The following NDEL1 variants were observed in gnomAD, a reference collection of about 807,000 sequenced individuals.
NDEL1 encodes the protein nuclear distribution protein nudE-like 1.
Under a neutral mutation model 45.7 loss-of-function variants are expected in NDEL1, and 9 were observed. The observed-to-expected ratio is 0.20, with a 90% CI of 0.12 to 0.34. The LOEUF (loss-of-function observed/expected upper bound fraction) is 0.34, where lower values mean the gene tolerates loss of function less well. NDEL1 is among the 10% of genes least tolerant of loss of function. The pLI is 1.00. For missense variants in NDEL1, 306 were observed against 406.2 expected (o/e 0.75, Z 2.12); for synonymous variants, 133 against 158.6 (o/e 0.84, Z 1.21).
chr17:8,432,636 G>A (rs1010033548), upstream of NDEL1, among the ~76,000 whole-genome samples: 3 of 151,768 alleles, frequency 2.0e-5, no homozygotes, highest in South Asian at 4.2e-4. Context: ...CGCCTGCCTC[G>A]GCTTCCCAAA....
chr17:8,428,314 AGTGTGTGTGGTGTGTGTGTGT>A (rs1908890029), intron 1 of NDEL1, among the ~76,000 whole-genome samples: 1 of 139,768 alleles, frequency 7.2e-6, no homozygotes, highest in African/African-American at 2.6e-5. Context: ...TCAAGGCTCA[AGTGTGTGTGGTGTGTGTGTGT>A]GTGTGTGTGT....
At chr17:8,468,995 CTCTG>C (rs534880748), downstream of NDEL1, among the ~76,000 whole-genome samples, 942 of 152,260 alleles carry the variant, frequency 6.2e-3, 11 homozygotes, top group African/African-American at 0.022. Context: ...CAGAGCTAGA[CTCTG>C]TCTCAAGAAA....
At chr17:8,424,532 T>G (rs1976346) in intron 1 of NDEL1, among the ~76,000 whole-genome samples, 3 of 152,228 alleles carry the variant, frequency 2.0e-5, no homozygotes, top group African/African-American at 7.2e-5. Context: ...GACGGAGTCT[T>G]GTTCTGTCGC....
downstream of NDEL1, among the ~76,000 whole-genome samples, chr17:8,472,638 G>A (rs1911875472): frequency 6.6e-6 from 1 of 152,168 alleles, no homozygotes; most frequent in Admixed American, 6.5e-5. Context: ...GCTCCAGCCT[G>A]GGAGACAGAG....
chr17:8,451,107 C>T (rs1171858926), intron 6 of NDEL1, among the ~76,000 whole-genome samples, 154 bp downstream of exon 6: 3 of 152,036 alleles, frequency 2.0e-5, no homozygotes, highest in Non-Finnish European at 4.4e-5. Context: ...AATTGTTTTC[C>T]TAGGCCACTA....
At chr17:8,436,356 T>TGGGCTGGG (rs1909338254) in intron 1 of NDEL1, 1 of 156,338 alleles carries the variant, frequency 6.4e-6, no homozygotes, top group Admixed American at 6.5e-5. Context: ...CGTGGCACCG[T>TGGGCTGGG]GGGCTGGGGC....
rs146285889 is a variant in NDEL1, at chr17:8,463,282, C to G, written c.944+3122C>G. Reference sequence around the variant, plus strand: ...TAGGGCGTGATGTGGAAATAGTATTCGTATTACTGTTTAATATGTTCTCCT... The same window carrying G: ...TAGGGCGTGATGTGGAAATAGTATTGGTATTACTGTTTAATATGTTCTCCT... On this transcript the variant is annotated intron_variant, in intron 8 of 8. Coordinates refer to ENST00000334527, the MANE Select transcript of NDEL1 (RefSeq NM_030808.5). 1.6e-5 allele frequency: 25 copies of G among 1,547,154 alleles called. No individual in the cohort carries two copies. In the African/African-American group the frequency reaches 2.2e-4, roughly 13 times the overall value.
In NDEL1 at chr17:8,466,958, C is replaced by T. The variant is rs751263596; in HGVS notation, c.973C>T (p.Pro325Ser). The change falls in exon 9 of 9, where the codon CCT becomes TCT. Residue 325 changes from proline (P) to serine (S), a missense_variant. Pro to Ser is a moderately conservative substitution (Grantham distance 74, BLOSUM62 -1). Coordinates refer to ENST00000334527, the MANE Select transcript of NDEL1 (RefSeq NM_030808.5). Reference sequence around the variant, plus strand: ...AGTAAACGGCTTTGACCCCGCTCCTCCTCCTCCTGGTCTGGGCTCCTCGCG... The same window carrying T: ...AGTAAACGGCTTTGACCCCGCTCCTTCTCCTCCTGGTCTGGGCTCCTCGCG... ...GAVNGFDPAP[P>S]PPGLGSSRPS... 6.8e-6 allele frequency: 11 copies of T among 1,614,246 alleles called. No homozygotes were observed. In the South Asian group the frequency reaches 7.7e-5, roughly 11 times the overall value.
intron 1 of NDEL1, among the ~76,000 whole-genome samples, chr17:8,429,000 T>C (rs1209130390): frequency 2.0e-5 from 3 of 152,230 alleles, no homozygotes; most frequent in African/African-American, 7.2e-5. Flanking sequence ...AAACACATTA[T>C]TATTAATATT....
At chr17:8,435,662 G>A (rs1219893324), upstream of NDEL1, among the ~76,000 whole-genome samples, 2 of 152,256 alleles carry the variant, frequency 1.3e-5, no homozygotes, top group African/African-American at 2.4e-5. Context: ...CAGTTTCAGG[G>A]AACTGCACAA....
In NDEL1 at chr17:8,465,328, C is replaced by T. The variant is rs1035850813; in HGVS notation, c.945-1602C>T. On this transcript the variant is annotated intron_variant, in intron 8 of 8. Coordinates refer to ENST00000334527, the MANE Select transcript of NDEL1 (RefSeq NM_030808.5). This position sits in a 1 kb window ranked among gnomAD's most constrained non-coding sequence, Gnocchi z 4.9. ...TCAAACTTGCAAATGTGTTGAAGCT[C>T]AAAAATCAGACCTAACCCAGTGAGG... 1 of 152,198 alleles carries T rather than the reference C, an allele frequency of 6.6e-6. No homozygotes were observed. The highest frequency in any genetic ancestry group is 6.5e-5 in the Admixed American group (1 of 15,284). 9.4% of individuals were successfully genotyped at this position (152,198 alleles called of 1,614,324 possible). A position where few individuals can be genotyped will look rare whatever the true frequency, so the allele number is the denominator to read the frequency against.
chr17:8,448,723 G>T, intron 5 of NDEL1, 37 bp downstream of exon 5: 1 of 1,574,690 alleles, frequency 6.4e-7, no homozygotes, highest in Non-Finnish European at 8.7e-7. Context: ...GTTGACCCTT[G>T]AACAACATGG....
downstream of NDEL1, among the ~76,000 whole-genome samples, chr17:8,471,815 CTCTG>C (rs756749879): frequency 5.9e-5 from 9 of 152,208 alleles, no homozygotes; most frequent in South Asian, 2.1e-4. Flanking sequence ...AAGTGGACTT[CTCTG>C]TCTGGTCCTG....
intron 1 of NDEL1, among the ~76,000 whole-genome samples, chr17:8,427,758 G>A (rs1908874968): frequency 1.3e-5 from 2 of 152,088 alleles, no homozygotes; most frequent in African/African-American, 4.8e-5. Flanking sequence ...AAGTCTTGGA[G>A]GGGGAAATTA....
intron 1 of NDEL1, among the ~76,000 whole-genome samples, chr17:8,441,128 T>C (rs1909706575): frequency 6.6e-6 from 1 of 151,974 alleles, no homozygotes; most frequent in African/African-American, 2.4e-5. Flanking sequence ...AAAAGAAAAA[T>C]GATCTGACCA....
chr17:8,420,556 C>T (rs1908683318), intron 1 of NDEL1, among the ~76,000 whole-genome samples: 1 of 152,224 alleles, frequency 6.6e-6, no homozygotes, highest in Admixed American at 6.5e-5. Context: ...TGGCCACTGA[C>T]CTCCATTCTC....
chr17:8,444,493 C>T (rs1008139532), intron 2 of NDEL1, 136 bp downstream of exon 2: 21 of 622,886 alleles, frequency 3.4e-5, no homozygotes, highest in Non-Finnish European at 5.7e-5. Context: ...ATTCTACAAA[C>T]AGTCACCACA....
chr17:8,426,977 C>A (rs980988838), intron 1 of NDEL1, among the ~76,000 whole-genome samples: 1 of 152,172 alleles, frequency 6.6e-6, no homozygotes, highest in Non-Finnish European at 1.5e-5. Flanking sequence ...CTACACCTGG[C>A]GGCCTGCACA....
chr17:8,445,572 G>T, intron 2 of NDEL1, 139 bp from the exon 3 acceptor site: 1 of 853,412 alleles, frequency 1.2e-6, no homozygotes, highest in Non-Finnish European at 1.7e-6. Flanking sequence ...AGTAAGAGAT[G>T]CAAAACAGAT....
Sources: gnomAD v4.1 joint callset for allele counts (sites outside exome capture counted in the v4.1 genomes callset) on GRCh38, gnomAD v4.1.1 for gene constraint, Gnocchi (gnomAD v3.1) non-coding constraint, MANE v1.5 for transcripts, NCBI Gene and HGNC (gene_info 2026-07-23, HGNC 2026-07-21) for gene names.